Variants in CBL observed in about 807,000 individuals in gnomAD.
The protein encoded by CBL is E3 ubiquitin-protein ligase CBL.
Under a neutral mutation model 96.9 loss-of-function variants are expected in CBL, and 45 were observed. The observed-to-expected ratio is 0.46, with a 90% confidence interval of 0.37 to 0.60. The LOEUF is 0.60. Among genes scored for constraint, CBL ranks in the 20% least tolerant of loss-of-function variants. The probability of loss-of-function intolerance (pLI) is 0.00; values close to 1 mark genes in which losing one functional copy is unlikely to be tolerated. For missense variants in CBL, 1,024 were observed against 1,143.5 expected (o/e 0.90, Z 1.51); for synonymous variants, 420 against 426.8 (o/e 0.98, Z 0.20).
chr11:119,245,230 T>G (rs1297195684), intron 2 of CBL, among the ~76,000 whole-genome samples: 1 of 151,762 alleles, frequency 6.6e-6, no homozygotes, highest in East Asian at 1.9e-4. Flanking sequence ...TTTTTTTTAT[T>G]AATGCAGTTT....
At chr11:119,275,727 G>A (rs1949884848) in intron 5 of CBL, among the ~76,000 whole-genome samples, 1 of 151,896 alleles carries the variant, frequency 6.6e-6, no homozygotes, top group Admixed American at 6.6e-5. Flanking sequence ...GCCAGGTGTG[G>A]TGGCACATAC....
chr11:119,276,881 G>A (rs1325859586), intron 6 of CBL, among the ~76,000 whole-genome samples: 1 of 152,142 alleles, frequency 6.6e-6, no homozygotes, highest in Non-Finnish European at 1.5e-5. Context: ...TTGTTACATT[G>A]CTTTTAAATT....
rs377310340 is a variant in CBL, at chr11:119,238,237, AATAG to A, written c.443+5548_443+5551del. ...TCCCAAATACAATTTTTTTTTTTTT[AATAG>A]ATAGAGTCTTGCTCCGTCACCCAGG... is the stretch of plus-strand genomic sequence containing the variant. On this transcript the variant is annotated intron_variant, in intron 2 of 15. Coordinates refer to ENST00000264033, the MANE Select transcript of CBL (RefSeq NM_005188.4). Among the ~76,000 whole-genome samples, 35 of 134,232 alleles carry A rather than the reference AATAG, an allele frequency of 2.6e-4. No individual in the cohort carries two copies. In the East Asian group the frequency reaches 6.3e-3, roughly 24 times the overall value. 88.1% of individuals were successfully genotyped at this position (134,232 alleles called of 152,430 possible).
chr11:119,266,778 G>A (rs949723570), intron 2 of CBL, among the ~76,000 whole-genome samples: 2 of 152,194 alleles, frequency 1.3e-5, no homozygotes, highest in Non-Finnish European at 2.9e-5. Context: ...TAGAGTGGAA[G>A]GCGAATGACC....
intron 2 of CBL, among the ~76,000 whole-genome samples, chr11:119,266,528 GAA>G (rs1375807002): frequency 6.6e-6 from 1 of 152,090 alleles, no homozygotes; most frequent in African/African-American, 2.4e-5. Flanking sequence ...TTGTACACAG[GAA>G]AATGCATAAC....
intron 9 of CBL, among the ~76,000 whole-genome samples, chr11:119,283,625 C>CTTTTTTTTTTTTTTTTATTTTT (rs1949955376): frequency 2.2e-5 from 1 of 45,512 alleles, no homozygotes; most frequent in African/African-American, 7.8e-5. Context: ...TTAATTCTTT[C>CTTTTTTTTTTTTTTTTATTTTT]TTTTTTTTTT....
intron 2 of CBL, among the ~76,000 whole-genome samples, chr11:119,266,191 A>T (rs1462084224): frequency 6.6e-6 from 1 of 152,134 alleles, no homozygotes; most frequent in Non-Finnish European, 1.5e-5. Context: ...GAGTTAATTT[A>T]TCTCCTCATA....
chr11:119,303,616 T>TTATC lies in CBL; in HGVS notation c.*3836_*3839dup, dbSNP rs1179108706. ...TTAATAACAGGCCAAGATTCTCCCA[T>TTATC]TATCCCCTGTTGTCTCCTGTAGCTT... On this transcript the variant is annotated 3_prime_UTR_variant, in exon 16 of 16. Transcript: ENST00000264033. 8.6e-6 allele frequency: 2 copies of TTATC among 233,632 alleles called. No individual in the cohort carries two copies. Among genetic ancestry groups the TTATC allele is most frequent in the African/African-American group, 4.4e-5 (2 of 45,358 alleles). 14.5% of individuals were successfully genotyped at this position (233,632 alleles called of 1,614,324 possible).
At chr11:119,208,777 C>T (rs1949294844) in intron 1 of CBL, among the ~76,000 whole-genome samples, 1 of 152,180 alleles carries the variant, frequency 6.6e-6, no homozygotes, top group Admixed American at 6.6e-5. Flanking sequence ...TCCTATTCTA[C>T]AAGGTAGCCC....
chr11:119,270,507 C>T (rs1236897327), intron 2 of CBL, among the ~76,000 whole-genome samples: 5 of 119,666 alleles, frequency 4.2e-5, no homozygotes, highest in Non-Finnish European at 8.2e-5. Context: ...AGTGCAGTGG[C>T]GGGATCTCGG....
At chr11:119,296,823 A>AT in intron 12 of CBL, 95 bp from the exon 13 acceptor site, 1 of 725,206 alleles carries the variant, frequency 1.4e-6, no homozygotes, top group Non-Finnish European at 2.5e-6. Flanking sequence ...GCTCTGTTCA[A>AT]TTTGAGTTAT....
At chr11:119,213,313 C>G (rs1949333251) in intron 1 of CBL, among the ~76,000 whole-genome samples, 1 of 152,178 alleles carries the variant, frequency 6.6e-6, no homozygotes, top group Admixed American at 6.5e-5. Context: ...TTCCTTCTTA[C>G]CTTCCTGTGT....
chr11:119,281,619 T>C (rs926952043), intron 9 of CBL, among the ~76,000 whole-genome samples: 2 of 151,542 alleles, frequency 1.3e-5, no homozygotes, highest in Non-Finnish European at 2.9e-5. Context: ...CTCAGCCTCC[T>C]GAGTAGCTGG....
chr11:119,233,956 T>G (rs966262440), intron 2 of CBL, among the ~76,000 whole-genome samples: 1 of 152,148 alleles, frequency 6.6e-6, no homozygotes, highest in Non-Finnish European at 1.5e-5. Flanking sequence ...TCAGGTGTAG[T>G]CTGAGTAATG....
At chr11:119,289,996 T>C (rs1950013524) in intron 12 of CBL, among the ~76,000 whole-genome samples, 1 of 152,046 alleles carries the variant, frequency 6.6e-6, no homozygotes, top group East Asian at 1.9e-4. Flanking sequence ...GAGATCCTCC[T>C]GTCTCAGCTT....
intron 1 of CBL, among the ~76,000 whole-genome samples, chr11:119,208,670 T>A (rs1447552521): frequency 6.6e-6 from 1 of 152,106 alleles, no homozygotes; most frequent in Non-Finnish European, 1.5e-5. Flanking sequence ...GGATTACAGG[T>A]GTGAGCCACT....
At chr11:119,248,518 G>T (rs530230509) in intron 2 of CBL, among the ~76,000 whole-genome samples, 18 of 152,204 alleles carry the variant, frequency 1.2e-4, no homozygotes, top group Non-Finnish European at 1.9e-4. Flanking sequence ...ATGTATCAAA[G>T]ACCTAAATTT....
In CBL at chr11:119,303,669, T is replaced by C. The variant is rs941266446; in HGVS notation, c.*3888T>C. 4.3e-6 allele frequency: 1 copy of C among 233,630 alleles called. No individual in the cohort carries two copies. The highest frequency in any genetic ancestry group is 8.5e-6 in the Non-Finnish European group (1 of 118,050). 14.5% of individuals were successfully genotyped at this position (233,630 alleles called of 1,614,324 possible). A position where few individuals can be genotyped will look rare whatever the true frequency, so the allele number is the denominator to read the frequency against. On this transcript the variant is annotated 3_prime_UTR_variant, in exon 16 of 16. Coordinates refer to ENST00000264033, the MANE Select transcript of CBL (RefSeq NM_005188.4). ...ATAATGCCTGGGAGATTCCTTGGTG[T>C]AAGTGTCATGGATACCGACTGTTTT...
At chr11:119,260,349 T>C (rs1023020222) in intron 2 of CBL, among the ~76,000 whole-genome samples, 1 of 151,826 alleles carries the variant, frequency 6.6e-6, no homozygotes, top group Non-Finnish European at 1.5e-5. Flanking sequence ...GTTCAATCAA[T>C]TCTCCTGCCT....
Sources: gnomAD v4.1 joint callset for allele counts (sites outside exome capture counted in the v4.1 genomes callset) on GRCh38, gnomAD v4.1.1 for gene constraint, MANE v1.5 for transcripts, NCBI Gene and HGNC (gene_info 2026-07-23, HGNC 2026-07-21) for gene names.